The following KIAA1549L variants were observed in gnomAD, a reference collection of about 807,000 sequenced individuals.
The protein encoded by KIAA1549L is KIAA1549 like.
In KIAA1549L, 88 loss-of-function variants were observed where a neutral mutation model predicts 160.7. The ratio of observed to expected loss-of-function variants is 0.55; its 90% CI spans 0.46 to 0.65. The LOEUF (loss-of-function observed/expected upper bound fraction) is 0.65. Ranked by LOEUF, KIAA1549L falls within the 30% of genes least tolerant of loss-of-function variation. The pLI is 0.00. For synonymous variants in KIAA1549L, 950 were observed against 976.7 expected (o/e 0.97, Z 0.51); for missense variants, 2,258 against 2,437.5 (o/e 0.93, Z 1.55).
At chr11:33,487,726 G>A (rs75824791) in intron 1 of KIAA1549L, among the ~76,000 whole-genome samples, 2,041 of 152,228 alleles carry the variant, frequency 0.013, 30 homozygotes, top group Non-Finnish European at 0.019. Context: ...TTTTCCGGAA[G>A]TTTTCTTATG....
At chr11:33,554,772 C>T (rs762551822) in intron 6 of KIAA1549L, among the ~76,000 whole-genome samples, 4 of 152,170 alleles carry the variant, frequency 2.6e-5, no homozygotes, top group Non-Finnish European at 5.9e-5. Context: ...AACACATGAG[C>T]AAAGAGGAGA....
At position 33,570,688 on chromosome 11, in the gene KIAA1549L, G is replaced by A. The variant is rs541840802; in HGVS notation, c.4230+2461G>A. ...AAAGATGAGCTACCTTCATGAATAT[G>A]GAGATTTAACTGTCTAGAATCTAAA... On this transcript the variant is annotated intron_variant, in intron 9 of 20. Coordinates refer to ENST00000658780, the MANE Select transcript of KIAA1549L (RefSeq NM_012194.3). Among the ~76,000 whole-genome samples the A allele has an allele frequency of 7.2e-5, 11 of 152,234 alleles. No individual in the cohort carries two copies. In the South Asian group the frequency reaches 2.3e-3, roughly 32 times the overall value.
intron 1 of KIAA1549L, among the ~76,000 whole-genome samples, chr11:33,492,787 T>G (rs1360745791): frequency 6.6e-6 from 1 of 152,168 alleles, no homozygotes; most frequent in African/African-American, 2.4e-5. Context: ...TTCTATTCAT[T>G]ATTCTGTCTG....
At chr11:33,643,044 T>A (rs1286755428) in intron 16 of KIAA1549L, among the ~76,000 whole-genome samples, 1 of 152,170 alleles carries the variant, frequency 6.6e-6, no homozygotes, top group African/African-American at 2.4e-5. Context: ...AGAGCTAGTC[T>A]TGTTTCTATC....
rs966077320 is a variant in KIAA1549L, at chr11:33,376,545, C to G, written c.-107C>G. The G allele has an allele frequency of 3.4e-5, 5 of 148,950 alleles. No homozygotes were observed. The highest frequency in any genetic ancestry group is 7.5e-5 in the Non-Finnish European group (5 of 66,808). 9.2% of individuals were successfully genotyped at this position (148,950 alleles called of 1,614,324 possible). A position where few individuals can be genotyped will look rare whatever the true frequency, so the allele number is the denominator to read the frequency against. ...GCCGCTCGGCGCCCCCTCCCTCCGGCGCCCGGGCCGTGGCCGGCGATGCCC... is the reference window on the plus strand; with the variant it reads ...GCCGCTCGGCGCCCCCTCCCTCCGGGGCCCGGGCCGTGGCCGGCGATGCCC... On this transcript the variant is annotated 5_prime_UTR_variant, in exon 1 of 21. Transcript: ENST00000658780. This position sits in a 1 kb window ranked among gnomAD's most constrained non-coding sequence, Gnocchi z 5.8.
chr11:33,649,520 A>AG (rs1851821635), intron 17 of KIAA1549L, among the ~76,000 whole-genome samples: 1 of 150,950 alleles, frequency 6.6e-6, no homozygotes, highest in Admixed American at 6.6e-5. Flanking sequence ...AAAAAAAAAA[A>AG]AAAAAAAGAA....
chr11:33,521,044 G>A lies in KIAA1549L; in HGVS notation c.239-20758G>A, dbSNP rs556950515. On this transcript the variant is annotated intron_variant, in intron 1 of 20. Coordinates refer to ENST00000658780, the MANE Select transcript of KIAA1549L (RefSeq NM_012194.3). ...TCACTGGGCATGGTGGCACATGCCC[G>A]TAGCTCTAGCTACTCAGGAGGCTGA... 1.6e-4 allele frequency among the ~76,000 whole-genome samples: 24 copies of A among 152,030 alleles called. No homozygotes were observed. In the South Asian group the frequency reaches 1.7e-3, roughly 11 times the overall value.
At chr11:33,501,757 A>G (rs1001880697) in intron 1 of KIAA1549L, among the ~76,000 whole-genome samples, 4 of 152,218 alleles carry the variant, frequency 2.6e-5, no homozygotes, top group African/African-American at 9.6e-5. Context: ...GTTGCCAGGC[A>G]CTACTCTGAG....
At chr11:33,630,221 T>C (rs1041158732) in intron 16 of KIAA1549L, among the ~76,000 whole-genome samples, 2 of 152,226 alleles carry the variant, frequency 1.3e-5, no homozygotes, top group Non-Finnish European at 2.9e-5. Flanking sequence ...CAGAGGTTAC[T>C]GCTGTCTTTT....
rs1164661027 is a variant in KIAA1549L, at chr11:33,615,463, A to G, written c.5280-3070A>G. Reference sequence around the variant, plus strand: ...TTTAAAAAGTATATAGCAAAATATCAACAAGAAATGAATATACCTAATGGG... The same window carrying G: ...TTTAAAAAGTATATAGCAAAATATCGACAAGAAATGAATATACCTAATGGG... On this transcript the variant is annotated intron_variant, in intron 15 of 20. Coordinates refer to ENST00000658780, the MANE Select transcript of KIAA1549L (RefSeq NM_012194.3). 2.0e-5 allele frequency among the ~76,000 whole-genome samples: 3 copies of G among 152,224 alleles called. No individual in the cohort carries two copies. In the East Asian group the frequency reaches 5.8e-4, roughly 29 times the overall value.
Position 33,541,786 on chromosome 11 carries a change from A to C in KIAA1549L, c.239-16A>C, listed in dbSNP as rs1459884397. 1 of 249,346 alleles carries C rather than the reference A, an allele frequency of 4.0e-6. No homozygotes were observed. Among genetic ancestry groups the C allele is most frequent in the African/African-American group, 2.2e-5 (1 of 45,100 alleles). The allele number at this position is 249,346 out of a possible 1,614,324, so 15.4% of individuals were successfully genotyped here. On this transcript the variant is annotated splice_polypyrimidine_tract_variant and intron_variant, in intron 1 of 20. Transcript: ENST00000658780. ...TGAGCATCCAACACCTGACGGCCTG[A>C]TATTTTGTTTCACAGGAACAGACAA...
At chr11:33,602,312 G>A (rs1850386177) in intron 13 of KIAA1549L, among the ~76,000 whole-genome samples, 1 of 152,260 alleles carries the variant, frequency 6.6e-6, no homozygotes, top group Middle Eastern at 3.4e-3. Context: ...AAAACATCAA[G>A]GAAGATTTGT....
intron 1 of KIAA1549L, among the ~76,000 whole-genome samples, chr11:33,497,152 C>G (rs2133079423): frequency 6.6e-6 from 1 of 152,322 alleles, no homozygotes; most frequent in Non-Finnish European, 1.5e-5. Flanking sequence ...CTTCATAGCA[C>G]TTACCACTTT....
chr11:33,659,009 GC>G (rs1182044477), intron 19 of KIAA1549L, 111 bp downstream of exon 19: 2 of 1,125,360 alleles, frequency 1.8e-6, no homozygotes, highest in Non-Finnish European at 2.5e-6. Flanking sequence ...AGGAATCACA[GC>G]CACTGCATTT....
intron 1 of KIAA1549L, among the ~76,000 whole-genome samples, chr11:33,442,853 G>A (rs1048130716): frequency 7.2e-5 from 11 of 151,944 alleles, no homozygotes; most frequent in African/African-American, 2.7e-4. Flanking sequence ...CTTCTTTCAT[G>A]TATTTTAACT....
chr11:33,671,911 A>G lies in KIAA1549L; in HGVS notation c.*3757A>G, dbSNP rs1852684389. 6.6e-6 allele frequency: 1 copy of G among 152,214 alleles called. No homozygotes were observed. The highest frequency in any genetic ancestry group is 1.5e-5 in the Non-Finnish European group (1 of 68,036). The allele number at this position is 152,214 out of a possible 1,614,324, so 9.4% of individuals were successfully genotyped here. ...TTACAAACTACATCCAAATACTCTT[A>G]AGGAAAGAGTGTCATTTAGCTTGGA... On this transcript the variant is annotated 3_prime_UTR_variant, in exon 21 of 21. Coordinates refer to ENST00000658780, the MANE Select transcript of KIAA1549L (RefSeq NM_012194.3).
chr11:33,631,598 C>G (rs554303869), intron 16 of KIAA1549L, among the ~76,000 whole-genome samples: 2 of 152,272 alleles, frequency 1.3e-5, no homozygotes, highest in South Asian at 4.2e-4. Context: ...GCAGATGTCC[C>G]CTGGTGGTCA....
chr11:33,614,535 T>TCC (rs1850730768), intron 15 of KIAA1549L, among the ~76,000 whole-genome samples: 53 of 2,964 alleles, frequency 0.018, 1 homozygote, highest in Admixed American at 0.029. Context: ...TAACAAGATA[T>TCC]ATATATATAT....
chr11:33,531,226 C>T (rs912321605), intron 1 of KIAA1549L, among the ~76,000 whole-genome samples: 2 of 152,118 alleles, frequency 1.3e-5, no homozygotes, highest in African/African-American at 4.8e-5. Flanking sequence ...GTAATCCCAG[C>T]ACTTTCAGAC....
Sources: gnomAD v4.1 joint callset for allele counts (sites outside exome capture counted in the v4.1 genomes callset) on GRCh38, gnomAD v4.1.1 for gene constraint, Gnocchi (gnomAD v3.1) non-coding constraint, MANE v1.5 for transcripts, NCBI Gene and HGNC (gene_info 2026-07-23, HGNC 2026-07-21) for gene names.